COL8A1: variants seen among roughly 807,000 people sequenced by gnomAD.
The protein encoded by COL8A1 is collagen type VIII alpha 1 chain, also known as collagen alpha-1(VIII) chain.
COL8A1 carries 21 observed loss-of-function variants against 42.7 expected under a neutral mutation model. The ratio of observed to expected loss-of-function variants is 0.49; its 90% CI spans 0.35 to 0.71. The LOEUF (loss-of-function observed/expected upper bound fraction) is 0.71. COL8A1 is among the 30% of genes least tolerant of loss of function. COL8A1 has a pLI of 0.01. For missense variants in COL8A1, 788 were observed against 962.4 expected, an observed-to-expected ratio of 0.82 and a Z score of 2.40; for synonymous variants, 367 against 369.1, an observed-to-expected ratio of 0.99 and a Z score of 0.06.
intron 2 of COL8A1, among the ~76,000 whole-genome samples, chr3:99,764,072 C>T (rs1410052860): frequency 6.6e-6 from 1 of 152,136 alleles, no homozygotes; most frequent in Non-Finnish European, 1.5e-5. Flanking sequence ...TAAGAACAGC[C>T]TCCTCCTCCT....
At position 99,798,234 on chromosome 3, in the gene COL8A1, CA is replaced by C; in HGVS notation, c.*2099del. On this transcript the variant is annotated 3_prime_UTR_variant, in exon 4 of 4. Coordinates refer to ENST00000652472, the MANE Select transcript of COL8A1 (RefSeq NM_020351.4). ...AAGAAGAGAAATTAGTCCATTACCACAGGGGTTCTTGTCACTACTAATTATA... is the reference window on the plus strand; with the variant it reads ...AAGAAGAGAAATTAGTCCATTACCACGGGGTTCTTGTCACTACTAATTATA... 1 of 152,182 alleles carries C rather than the reference CA, an allele frequency of 6.6e-6. No homozygotes were observed. The highest frequency in any genetic ancestry group is 1.9e-4 in the East Asian group (1 of 5,198). 9.4% of individuals were successfully genotyped at this position (152,182 alleles called of 1,614,324 possible).
At chr3:99,734,768 C>A (rs891356272) in intron 1 of COL8A1, among the ~76,000 whole-genome samples, 5 of 151,954 alleles carry the variant, frequency 3.3e-5, no homozygotes, top group Non-Finnish European at 7.4e-5. Context: ...GATATTGATT[C>A]TTCCTACCCA....
intron 2 of COL8A1, among the ~76,000 whole-genome samples, chr3:99,769,103 G>A (rs929375141): frequency 1.4e-4 from 21 of 152,186 alleles, no homozygotes; most frequent in African/African-American, 5.1e-4. Flanking sequence ...TCAATATCAG[G>A]TATGTAAAAT....
intron 1 of COL8A1, among the ~76,000 whole-genome samples, chr3:99,729,695 G>C (rs1312663089): frequency 6.6e-6 from 1 of 151,888 alleles, no homozygotes; most frequent in African/African-American, 2.4e-5. Flanking sequence ...TTTAGTTTTT[G>C]TAAAAAATCA....
At chr3:99,676,741 G>A (rs991657404) in intron 1 of COL8A1, among the ~76,000 whole-genome samples, 2 of 151,876 alleles carry the variant, frequency 1.3e-5, no homozygotes, top group South Asian at 2.1e-4. Flanking sequence ...AGAGGCATAA[G>A]GAATTGGAAT....
chr3:99,690,037 A>T (rs1023187287), intron 1 of COL8A1, among the ~76,000 whole-genome samples: 3 of 152,244 alleles, frequency 2.0e-5, no homozygotes, highest in African/African-American at 7.2e-5. Flanking sequence ...TTGTACTGAC[A>T]CATTCCACAT....
At chr3:99,674,133 T>G (rs540585020) in intron 1 of COL8A1, among the ~76,000 whole-genome samples, 5 of 152,180 alleles carry the variant, frequency 3.3e-5, no homozygotes, top group African/African-American at 1.2e-4. Context: ...ATGGGTGCTT[T>G]GAAAATTATG....
intron 1 of COL8A1, among the ~76,000 whole-genome samples, chr3:99,719,283 A>G (rs1940085534): frequency 1.3e-5 from 2 of 152,148 alleles, no homozygotes; most frequent in Non-Finnish European, 2.9e-5. Flanking sequence ...TTATATATGC[A>G]TATTTTTAGC....
At chr3:99,677,411 A>G (rs1283516329) in intron 1 of COL8A1, among the ~76,000 whole-genome samples, 1 of 152,146 alleles carries the variant, frequency 6.6e-6, no homozygotes, top group African/African-American at 2.4e-5. Flanking sequence ...ACCTAACACC[A>G]GATAACAGGA....
chr3:99,684,032 A>G (rs73150265), intron 1 of COL8A1, among the ~76,000 whole-genome samples: 5,600 of 152,176 alleles, frequency 0.037, 151 homozygotes, highest in Non-Finnish European at 0.058. Flanking sequence ...CAGAGCGGTC[A>G]AGCAGGTCCA....
chr3:99,691,180 G>A (rs146131465), intron 1 of COL8A1, among the ~76,000 whole-genome samples: 4 of 152,242 alleles, frequency 2.6e-5, no homozygotes, highest in Non-Finnish European at 5.9e-5. Context: ...TTGTGAAAGT[G>A]AATGAGATAA....
chr3:99,682,552 A>G (rs900276464), intron 1 of COL8A1, among the ~76,000 whole-genome samples: 1 of 152,102 alleles, frequency 6.6e-6, no homozygotes, highest in African/African-American at 2.4e-5. Flanking sequence ...TTAAATCCTT[A>G]TAAGGTTGGG....
chr3:99,768,911 T>C (rs1941523149), intron 2 of COL8A1, among the ~76,000 whole-genome samples: 1 of 152,100 alleles, frequency 6.6e-6, no homozygotes, highest in Non-Finnish European at 1.5e-5. Context: ...AGGTTATTCA[T>C]GTGTGTGAGT....
chr3:99,672,900 C>G (rs568588003), intron 1 of COL8A1, among the ~76,000 whole-genome samples: 7 of 151,952 alleles, frequency 4.6e-5, no homozygotes, highest in African/African-American at 1.7e-4. Flanking sequence ...CAATTTTTAC[C>G]TTAGACTTGT....
chr3:99,796,253 T>C lies in COL8A1; in HGVS notation c.*117T>C, dbSNP rs1261895792. On this transcript the variant is annotated 3_prime_UTR_variant, in exon 4 of 4. Transcript: ENST00000652472. The stretch of plus-strand genomic sequence containing the variant: ...AAACACTTACACAGTTGGAAAGTTA[T>C]ATGTAAGTGAAAATTTGGACCATTG... 4 of 851,794 alleles carry C rather than the reference T, an allele frequency of 4.7e-6. No homozygotes were observed. The highest frequency in any genetic ancestry group is 3.7e-4 in the Middle Eastern group (1 of 2,678). 52.8% of individuals were successfully genotyped at this position (851,794 alleles called of 1,614,324 possible). A position where few individuals can be genotyped will look rare whatever the true frequency, so the allele number is the denominator to read the frequency against.
chr3:99,751,918 T>C (rs1941157915), intron 2 of COL8A1, among the ~76,000 whole-genome samples: 1 of 152,214 alleles, frequency 6.6e-6, no homozygotes, highest in African/African-American at 2.4e-5. Context: ...TCTTCTATTA[T>C]CATGAAAAAT....
chr3:99,767,207 C>A (rs2107433515), intron 2 of COL8A1, among the ~76,000 whole-genome samples: 1 of 152,296 alleles, frequency 6.6e-6, no homozygotes, highest in African/African-American at 2.4e-5. Flanking sequence ...CAACTTCATT[C>A]ATTTTAGAGC....
chr3:99,719,176 T>C (rs1222358441), intron 1 of COL8A1, among the ~76,000 whole-genome samples: 1 of 152,100 alleles, frequency 6.6e-6, no homozygotes, highest in Admixed American at 6.6e-5. Flanking sequence ...TAGCACATAG[T>C]AGACATTCAG....
chr3:99,679,473 T>C (rs1285193432), intron 1 of COL8A1: 3 of 152,194 alleles, frequency 2.0e-5, no homozygotes, highest in South Asian at 2.1e-4. Flanking sequence ...CCTTCTATAA[T>C]AGAGTTTCCA....
Sources: gnomAD v4.1 joint callset for allele counts (sites outside exome capture counted in the v4.1 genomes callset) on GRCh38, gnomAD v4.1.1 for gene constraint, MANE v1.5 for transcripts, NCBI Gene and HGNC (gene_info 2026-07-23, HGNC 2026-07-21) for gene names.